LIG3: variants seen among roughly 807,000 people sequenced by gnomAD.
LIG3 encodes the protein DNA ligase 3, also known as ligase II, DNA, ATP-dependent.
A neutral mutation model predicts 110.9 loss-of-function variants in LIG3; 58 were observed. That is an observed-to-expected ratio of 0.52 (90% confidence interval 0.42 to 0.65). The LOEUF (loss-of-function observed/expected upper bound fraction) is 0.65, where lower values mean the gene tolerates loss of function less well. LIG3 is among the 30% of genes least tolerant of loss of function. The pLI is 0.00. For synonymous variants in LIG3, 422 were observed against 472.8 expected, an observed-to-expected ratio of 0.89 and a Z score of 1.39; for missense variants, 1,094 against 1,273.8, an observed-to-expected ratio of 0.86 and a Z score of 2.15.
intron 3 of LIG3, among the ~76,000 whole-genome samples, chr17:34,988,651 T>A (rs1189327120): frequency 2.0e-5 from 3 of 149,692 alleles, no homozygotes; most frequent in Non-Finnish European, 4.5e-5. Context: ...AAATGTATTA[T>A]TTTTTTTTTA....
At position 34,989,448 on chromosome 17, in the gene LIG3, C is replaced by CT; in HGVS notation, c.692-17dup. ...TCAGAAAGGCAGAATGAATTCATCT[C>CT]TGTTGTTTCTCCAACAGCCAAGCCC... On this transcript the variant is annotated splice_polypyrimidine_tract_variant and intron_variant, in intron 3 of 19. Transcript: ENST00000378526. 6.2e-7 allele frequency: 1 copy of CT among 1,608,296 alleles called. No homozygotes were observed. Among genetic ancestry groups the CT allele is most frequent in the African/African-American group, 1.3e-5 (1 of 74,852 alleles).
rs771353232 is a variant in LIG3, at chr17:35,005,335, C to G, written c.*829C>G. On this transcript the variant is annotated 3_prime_UTR_variant, in exon 20 of 20. Coordinates refer to ENST00000378526, the MANE Select transcript of LIG3 (RefSeq NM_013975.4). Reference sequence around the variant, plus strand: ...TGTACCATATCCCATTCTTAGTGCTCGAGTGTTCCAACCTGAAGTTGAAGA... The same window carrying G: ...TGTACCATATCCCATTCTTAGTGCTGGAGTGTTCCAACCTGAAGTTGAAGA... The G allele has an allele frequency of 3.6e-6, 2 of 552,178 alleles. No homozygotes were observed. The highest frequency in any genetic ancestry group is 7.4e-6 in the Non-Finnish European group (2 of 271,978). 34.2% of individuals were successfully genotyped at this position (552,178 alleles called of 1,614,324 possible). A position where few individuals can be genotyped will look rare whatever the true frequency, so the allele number is the denominator to read the frequency against.
rs9910720 is a variant in LIG3 at position 34,980,572 on chromosome 17, G to A, written c.-55G>A. 2.4e-3 allele frequency: 3,123 copies of A among 1,287,556 alleles called. 63 individuals are homozygous for A. In the African/African-American group the frequency reaches 0.043, roughly 18 times the overall value. 79.8% of individuals were successfully genotyped at this position (1,287,556 alleles called of 1,614,324 possible). The stretch of plus-strand genomic sequence containing the variant: ...AACCGTCGTGGGCTGCCCGCGGCCT[G>A]TAATGAGCAAGTTCCGAGGCCTACG... On this transcript the variant is annotated 5_prime_UTR_variant, in exon 1 of 20. Coordinates refer to ENST00000378526, the MANE Select transcript of LIG3 (RefSeq NM_013975.4).
At chr17:34,993,809 G>A (rs1394060198) in intron 8 of LIG3, among the ~76,000 whole-genome samples, 1 of 152,142 alleles carries the variant, frequency 6.6e-6, no homozygotes, top group Non-Finnish European at 1.5e-5. Context: ...GTAAGTAGGT[G>A]CTCCAATATC....
At position 34,983,474 on chromosome 17, in the gene LIG3, A is replaced by T. The variant is rs1444795117; in HGVS notation, c.469A>T (p.Ile157Phe). The T allele has an allele frequency of 2.5e-6, 4 of 1,614,086 alleles. No individual in the cohort carries two copies. The highest frequency in any genetic ancestry group is 4.5e-5 in the East Asian group (2 of 44,906). Residue 157 changes from isoleucine (I) to phenylalanine (F), a missense_variant, in exon 2 of 20, where the codon ATC becomes TTC. Physicochemically the swap from Ile to Phe is conservative, Grantham distance 21. Coordinates refer to ENST00000378526, the MANE Select transcript of LIG3 (RefSeq NM_013975.4). ...GCGGGCCCGGGCCACCACAAAAAAA[A>T]TCGAGGACCTCACAGAGCTGGAAGG... is the stretch of plus-strand genomic sequence containing the variant. The part of the protein sequence containing the change: ...LERARATTKK[I>F]EDLTELEGWE...
intron 3 of LIG3, among the ~76,000 whole-genome samples, chr17:34,986,513 G>A (rs1458384640): frequency 6.6e-6 from 1 of 152,082 alleles, no homozygotes. Context: ...GTAGAGATGG[G>A]GTTTCGCCAC....
Position 34,983,191 on chromosome 17 carries a change from C to G in LIG3, c.186C>G (p.Ser62Arg), listed in dbSNP as rs1166322908. 6.2e-7 allele frequency: 1 copy of G among 1,614,072 alleles called. No homozygotes were observed. The highest frequency in any genetic ancestry group is 1.3e-5 in the African/African-American group (1 of 74,940). ...AGCCTGTTCTATCATTCCAGGGAAG[C>G]CATCTAAGATCACGTGCCACCTACC... ...RRKPVLSFQG[S>R]HLRSRATYLV... The change falls in exon 2 of 20, where the codon AGC becomes AGG. Residue 62 changes from serine to arginine, a missense_variant. Ser to Arg is a moderately radical substitution (Grantham distance 110, BLOSUM62 -1). Coordinates refer to ENST00000378526, the MANE Select transcript of LIG3 (RefSeq NM_013975.4).
At position 34,991,755 on chromosome 17, in the gene LIG3, G is replaced by T. The variant is rs2090723355; in HGVS notation, c.1126G>T (p.Glu376Ter). Residue 376 changes from glutamate to a stop codon, truncating the protein, a stop_gained, in exon 6 of 20, where the codon GAA becomes TAA. Transcript: ENST00000378526. LOFTEE classifies it high-confidence loss of function. ...TGCCAAGAGCCTCCTTACCATCCAG[G>T]AAGTGGATGAGTTCCTTCTGCGGCT... Reference protein sequence around the residue: ...PAAKSLLTIQEVDEFLLRLSK... With the variant: ...PAAKSLLTIQ 6.2e-7 allele frequency: 1 copy of T among 1,614,050 alleles called. No individual in the cohort carries two copies. Among genetic ancestry groups the T allele is most frequent in the Non-Finnish European group, 8.5e-7 (1 of 1,179,962 alleles).
At chr17:34,992,367 A>G (rs930750849) in intron 7 of LIG3, among the ~76,000 whole-genome samples, 157 bp from the exon 8 acceptor site, 2 of 152,358 alleles carry the variant, frequency 1.3e-5, no homozygotes, top group Non-Finnish European at 2.9e-5. Context: ...TGAATTTTCC[A>G]AGAGCTTTCT....
At chr17:34,984,729 G>A (rs1217047126) in intron 2 of LIG3, among the ~76,000 whole-genome samples, 1 of 150,614 alleles carries the variant, frequency 6.6e-6, no homozygotes, top group Non-Finnish European at 1.5e-5. Flanking sequence ...TGGTATTAAA[G>A]AGTAAAACCC....
chr17:35,005,367 C>T lies in LIG3; in HGVS notation c.*861C>T, dbSNP rs568804267. On this transcript the variant is annotated 3_prime_UTR_variant, in exon 20 of 20. Coordinates refer to ENST00000378526, the MANE Select transcript of LIG3 (RefSeq NM_013975.4). ...TCCAACCTGAAGTTGAAGAAGCCAC[C>T]CTGGCTGCACATGCCATCAGCCATG... The T allele has an allele frequency of 2.2e-5, 12 of 557,444 alleles. No individual in the cohort carries two copies. Among genetic ancestry groups the T allele is most frequent in the Non-Finnish European group, 4.0e-5 (11 of 274,862 alleles). 34.5% of individuals were successfully genotyped at this position (557,444 alleles called of 1,614,324 possible).
Position 34,991,196 on chromosome 17 carries a change from T to C in LIG3, c.1041+82T>C, listed in dbSNP as rs567467859. On this transcript the variant is annotated intron_variant, in intron 5 of 19. Transcript: ENST00000378526. The stretch of plus-strand genomic sequence containing the variant: ...GGCACCTGCAGCCTCTTTTTTTTTT[T>C]CTGGTTGGGACACATACTGTTTTAG... 8.9e-5 allele frequency: 120 copies of C among 1,352,626 alleles called. 1 individual carries two copies. The East Asian group carries it at 2.7e-3, about 30-fold the overall frequency. 83.8% of individuals were successfully genotyped at this position (1,352,626 alleles called of 1,614,324 possible).
rs995912083 is a variant in LIG3 at position 35,002,772 on chromosome 17, A to G, written c.2779A>G (p.Thr927Ala). 1.2e-6 allele frequency: 2 copies of G among 1,604,940 alleles called. No individual in the cohort carries two copies. Among genetic ancestry groups the G allele is most frequent in the Non-Finnish European group, 1.7e-6 (2 of 1,174,800 alleles). Residue 927 changes from threonine (T) to alanine (A), a missense_variant, in exon 19 of 20, where the codon ACG (threonine) becomes GCG (alanine). Physicochemically the swap from Thr to Ala is moderately conservative, Grantham distance 58 (BLOSUM62 0). Transcript: ENST00000378526. ...GGAGAAGCGGAAAGCTGCTGATGAGACGCTGTGCCAAACAAAGGTGAGGGT... is the reference window on the plus strand; with the variant it reads ...GGAGAAGCGGAAAGCTGCTGATGAGGCGCTGTGCCAAACAAAGGTGAGGGT... Reference protein sequence around the residue: ...VGEKRKAADETLCQTKVLLDI... With the variant: ...VGEKRKAADEALCQTKVLLDI...
intron 8 of LIG3, chr17:34,994,057 A>G (rs756652689): frequency 1.2e-4 from 55 of 457,874 alleles, no homozygotes; most frequent in Non-Finnish European, 1.8e-4. Context: ...GCAAGCTCCT[A>G]TGTCAGCTCA....
At chr17:34,988,169 G>A (rs1476509710) in intron 3 of LIG3, among the ~76,000 whole-genome samples, 2 of 147,426 alleles carry the variant, frequency 1.4e-5, no homozygotes, top group African/African-American at 5.1e-5. Flanking sequence ...CTCCAGCCTG[G>A]GCGACAGCGA....
chr17:34,982,173 T>C (rs2090602772), intron 1 of LIG3, among the ~76,000 whole-genome samples: 1 of 152,244 alleles, frequency 6.6e-6, no homozygotes. Flanking sequence ...GGTAAGTGGC[T>C]GAGTTAGGAT....
chr17:34,990,839 C>T (rs188140754), intron 4 of LIG3, 124 bp from the exon 5 acceptor site: 2 of 820,738 alleles, frequency 2.4e-6, no homozygotes, highest in Non-Finnish European at 3.8e-6. Flanking sequence ...TTAAGCAATT[C>T]TCCTGCTTCG....
rs1296461708 is a variant in LIG3, at chr17:35,008,198, T to C, written c.*3692T>C. The C allele has an allele frequency of 6.6e-6, 1 of 152,252 alleles. No homozygotes were observed. Among genetic ancestry groups the C allele is most frequent in the Admixed American group, 6.5e-5 (1 of 15,286 alleles). 9.4% of individuals were successfully genotyped at this position (152,252 alleles called of 1,614,324 possible). ...CATCTCTTCTAGATCAGTGTAAATA[T>C]CTGAACTCACTTGGTGCTTCAACCC... On this transcript the variant is annotated 3_prime_UTR_variant, in exon 20 of 20. Transcript: ENST00000378526.
chr17:34,991,702 T>C lies in LIG3; in HGVS notation c.1073T>C (p.Phe358Ser), dbSNP rs1429415033. ...GTGTCAGAGACAATCAGAGTCTTCTTTGAGCAGAGCAAGTCTTTCCCCCCA... is the reference window on the plus strand; with the variant it reads ...GTGTCAGAGACAATCAGAGTCTTCTCTGAGCAGAGCAAGTCTTTCCCCCCA... The part of the protein sequence containing the change: ...GDVSETIRVF[F>S]EQSKSFPPAA... The change falls in exon 6 of 20, where the codon TTT becomes TCT. Residue 358 changes from phenylalanine (F) to serine (S), a missense_variant. By Grantham distance (155) the Phe-to-Ser change is radical. Coordinates refer to ENST00000378526, the MANE Select transcript of LIG3 (RefSeq NM_013975.4). 3.1e-6 allele frequency: 5 copies of C among 1,613,950 alleles called. No homozygotes were observed. In the African/African-American group the frequency reaches 4.0e-5, roughly 13 times the overall value.
Sources: allele counts gnomAD v4.1 joint callset (sites outside exome capture counted in the v4.1 genomes callset), GRCh38; gene constraint gnomAD v4.1.1; transcripts MANE v1.5; gene names NCBI Gene and HGNC (gene_info 2026-07-23, HGNC 2026-07-21).